TDRD3: variants seen among roughly 807,000 people sequenced by gnomAD.
The protein encoded by TDRD3 is tudor domain-containing protein 3.
A neutral mutation model predicts 86.7 loss-of-function variants in TDRD3; 45 were observed. The observed-to-expected ratio is 0.52, with a 90% confidence interval of 0.41 to 0.67. The LOEUF (loss-of-function observed/expected upper bound fraction) is 0.67, where lower values mean the gene tolerates loss of function less well. TDRD3 is among the 30% of genes least tolerant of loss of function. The pLI is 0.00. For synonymous variants in TDRD3, 298 were observed against 301.7 expected, an observed-to-expected ratio of 0.99 and a Z score of 0.13; for missense variants, 814 against 889.0, an observed-to-expected ratio of 0.92 and a Z score of 1.07.
intron 6 of TDRD3, chr13:60,484,716 T>C (rs1341128021): frequency 2.2e-6 from 1 of 455,278 alleles, no homozygotes; most frequent in South Asian, 1.6e-5. Flanking sequence ...ATAGCCAAGA[T>C]AAAAGAAAGT....
At chr13:60,467,405 T>G (rs1955970372) in intron 5 of TDRD3, 26 bp downstream of exon 5, 1 of 1,607,328 alleles carries the variant, frequency 6.2e-7, no homozygotes, top group Non-Finnish European at 8.5e-7. Context: ...GGCTTGAACT[T>G]TTGAAACATT....
At chr13:60,450,468 G>A (rs536799261) in intron 3 of TDRD3, among the ~76,000 whole-genome samples, 29 of 152,218 alleles carry the variant, frequency 1.9e-4, no homozygotes, top group African/African-American at 5.3e-4. Context: ...CACTGGTAAA[G>A]TACTTTATCC....
chr13:60,456,728 G>T (rs1955681346), intron 3 of TDRD3, among the ~76,000 whole-genome samples: 1 of 152,030 alleles, frequency 6.6e-6, no homozygotes, highest in Non-Finnish European at 1.5e-5. Context: ...TTGTGTGTAT[G>T]TGTGTCACCT....
At chr13:60,410,105 T>C (rs563173081) in intron 1 of TDRD3, among the ~76,000 whole-genome samples, 1 of 152,294 alleles carries the variant, frequency 6.6e-6, no homozygotes, top group Admixed American at 6.5e-5. Context: ...GCCATCGCCA[T>C]GAAAGAAGTG....
intron 1 of TDRD3, among the ~76,000 whole-genome samples, chr13:60,403,547 C>G (rs1566166258): frequency 6.6e-6 from 1 of 152,102 alleles, no homozygotes; most frequent in Non-Finnish European, 1.5e-5. Context: ...TTGAGAAACA[C>G]TTGTGAAGTC....
At chr13:60,398,514 G>A (rs1954006120) in intron 1 of TDRD3, among the ~76,000 whole-genome samples, 1 of 152,148 alleles carries the variant, frequency 6.6e-6, no homozygotes, top group South Asian at 2.1e-4. Context: ...TGAAAGATGT[G>A]GATTTGATTT....
At chr13:60,406,456 C>T (rs576330255) in intron 1 of TDRD3, among the ~76,000 whole-genome samples, 2 of 151,966 alleles carry the variant, frequency 1.3e-5, no homozygotes, top group South Asian at 2.1e-4. Context: ...TTAATTTCAC[C>T]TGTTTTTACT....
intron 3 of TDRD3, among the ~76,000 whole-genome samples, chr13:60,459,567 CATGT>C (rs1955759603): frequency 4.6e-5 from 7 of 152,178 alleles, no homozygotes; most frequent in Non-Finnish European, 1.5e-5. Flanking sequence ...TTGTATGCTT[CATGT>C]ATACCAGGAG....
intron 1 of TDRD3, among the ~76,000 whole-genome samples, chr13:60,397,845 C>A (rs568197983): frequency 6.6e-6 from 1 of 152,056 alleles, no homozygotes; most frequent in Non-Finnish European, 1.5e-5. Context: ...CGAACGCGGC[C>A]GGAGCCCGCG....
intron 5 of TDRD3, among the ~76,000 whole-genome samples, chr13:60,478,373 C>T (rs546341750): frequency 2.1e-5 from 3 of 139,868 alleles, no homozygotes; most frequent in African/African-American, 8.1e-5. Context: ...GATGCAATCT[C>T]GGCTCACTGC....
intron 8 of TDRD3, among the ~76,000 whole-genome samples, chr13:60,508,970 A>G (rs1956995665): frequency 6.6e-6 from 1 of 152,244 alleles, no homozygotes; most frequent in South Asian, 2.1e-4. Flanking sequence ...ACTTAACTAG[A>G]GAAAGACTTT....
intron 6 of TDRD3, among the ~76,000 whole-genome samples, chr13:60,485,214 G>T (rs1956404677): frequency 6.6e-6 from 1 of 151,828 alleles, no homozygotes; most frequent in South Asian, 2.1e-4. Context: ...ATTTTTACTG[G>T]TAAGATTGGA....
intron 1 of TDRD3, among the ~76,000 whole-genome samples, chr13:60,402,691 CTTTTTTTTT>C (rs35984156): frequency 1.4e-5 from 1 of 73,274 alleles, no homozygotes; most frequent in Non-Finnish European, 2.5e-5. Context: ...AAACCAATTG[CTTTTTTTTT>C]TTTTTTTTTT....
intron 2 of TDRD3, 61 bp downstream of exon 2, chr13:60,439,833 TC>T: frequency 8.1e-7 from 1 of 1,234,140 alleles, no homozygotes; most frequent in African/African-American, 1.5e-5. Context: ...CATAAAAAAG[TC>T]TCAGAGTAAA....
At chr13:60,571,141 C>T (rs1300620619) in intron 13 of TDRD3, among the ~76,000 whole-genome samples, 1 of 152,114 alleles carries the variant, frequency 6.6e-6, no homozygotes, top group East Asian at 1.9e-4. Context: ...TTTTAAAACT[C>T]TCACTACAAA....
At chr13:60,459,630 T>C (rs1199527182) in intron 3 of TDRD3, among the ~76,000 whole-genome samples, 1 of 152,212 alleles carries the variant, frequency 6.6e-6, no homozygotes, top group African/African-American at 2.4e-5. Context: ...ACTCTTTTGT[T>C]GTTGTGTTGA....
chr13:60,424,621 G>C (rs900893354), intron 1 of TDRD3, among the ~76,000 whole-genome samples: 2 of 152,158 alleles, frequency 1.3e-5, no homozygotes, highest in Admixed American at 1.3e-4. Context: ...AGGTTGCAGT[G>C]AGCAGAGATT....
intron 7 of TDRD3, 133 bp from the exon 8 acceptor site, chr13:60,494,302 A>G: frequency 1.0e-6 from 1 of 985,478 alleles, no homozygotes; most frequent in Non-Finnish European, 1.4e-6. Context: ...GAGTAAGTTA[A>G]TATTTTATTT....
intron 8 of TDRD3, among the ~76,000 whole-genome samples, chr13:60,504,719 G>T (rs1435763185): frequency 6.6e-6 from 1 of 152,166 alleles, no homozygotes; most frequent in Non-Finnish European, 1.5e-5. Context: ...GGTGATTTCT[G>T]CATTTTCAAC....
Sources: allele counts gnomAD v4.1 joint callset (sites outside exome capture counted in the v4.1 genomes callset), GRCh38; gene constraint gnomAD v4.1.1; transcripts MANE v1.5; gene names NCBI Gene and HGNC (gene_info 2026-07-23, HGNC 2026-07-21).